EFHC2: variants seen among roughly 807,000 people sequenced by gnomAD.
EFHC2 encodes the protein EF-hand domain-containing family member C2.
In EFHC2, 18 loss-of-function variants were observed where a neutral mutation model predicts 52.7. That is an observed-to-expected ratio of 0.34 (90% CI 0.24 to 0.51). EFHC2 has a LOEUF of 0.51. Ranked by LOEUF, EFHC2 falls within the 20% of genes least tolerant of loss-of-function variation. The pLI is 0.97. For synonymous variants in EFHC2, 203 were observed against 204.1 expected, an observed-to-expected ratio of 0.99 and a Z score of 0.04; for missense variants, 513 against 562.5, an observed-to-expected ratio of 0.91 and a Z score of 0.89.
intron 11 of EFHC2, among the ~76,000 whole-genome samples, chrX:44,189,489 T>C (rs1020384379): frequency 2.7e-5 from 3 of 112,301 alleles, no homozygotes; most frequent in African/African-American, 9.7e-5. Context: ...GGCCCACTCA[T>C]GAGAGATGCA....
intron 11 of EFHC2, among the ~76,000 whole-genome samples, chrX:44,187,358 C>T (rs963259003): frequency 9.2e-5 from 10 of 109,281 alleles, no homozygotes; most frequent in Non-Finnish European, 1.7e-4. Flanking sequence ...AACATATTTT[C>T]ATCTTTTTCA....
intron 2 of EFHC2, among the ~76,000 whole-genome samples, chrX:44,289,700 G>C (rs1191287058): frequency 1.9e-4 from 3 of 16,076 alleles, no homozygotes. Context: ...TTTTTTTTTT[G>C]AGACAGAGAC....
intron 8 of EFHC2, among the ~76,000 whole-genome samples, chrX:44,239,177 A>G (rs7051289): frequency 0.082 from 9,149 of 111,917 alleles, 808 homozygotes; most frequent in African/African-American, 0.26. Context: ...GCAGATGGAC[A>G]ATATCTGTAA....
chrX:44,313,772 G>A (rs986655334), intron 1 of EFHC2, among the ~76,000 whole-genome samples: 1 of 110,451 alleles, frequency 9.1e-6, no homozygotes, highest in African/African-American at 3.3e-5. Flanking sequence ...TGGCCAACAT[G>A]GTGAAACCCC....
chrX:44,196,591 C>T (rs995970450), intron 11 of EFHC2, among the ~76,000 whole-genome samples: 4 of 111,527 alleles, frequency 3.6e-5, no homozygotes, highest in Non-Finnish European at 7.5e-5. Context: ...GCCCCCATTC[C>T]AAAAGACAGT....
At chrX:44,340,480 C>T (rs778132677) in intron 1 of EFHC2, among the ~76,000 whole-genome samples, 2 of 109,440 alleles carry the variant, frequency 1.8e-5, no homozygotes, top group South Asian at 4.0e-4. Context: ...GGTGAAACCC[C>T]GTCTCTACTA....
chrX:44,205,770 CA>C (rs1397324557), intron 11 of EFHC2, among the ~76,000 whole-genome samples: 2 of 111,298 alleles, frequency 1.8e-5, no homozygotes, highest in Admixed American at 1.9e-4. Flanking sequence ...GATGGCCATA[CA>C]ATAATAGTGG....
chrX:44,213,498 T>C (rs904301944), intron 11 of EFHC2, among the ~76,000 whole-genome samples: 6 of 111,813 alleles, frequency 5.4e-5, no homozygotes, highest in African/African-American at 9.8e-5. Context: ...ATGTAAGATA[T>C]ACTTGTTTGG....
intron 7 of EFHC2, among the ~76,000 whole-genome samples, chrX:44,243,791 ATT>A (rs200937078): frequency 0.083 from 9,273 of 111,550 alleles, 826 homozygotes; most frequent in African/African-American, 0.27. Context: ...TTTTATGGTG[ATT>A]TTAAAGAAAA....
Position 44,247,055 on chromosome X carries a change from T to G in EFHC2, c.1111+1217A>C, listed in dbSNP as rs549383532. ...CACCTGCACATTCCTGGCTGCTTCT[T>G]GTCCACAGTCCCCAAGGCAAATATG... On this transcript the variant is annotated intron_variant, in intron 7 of 14. Coordinates refer to ENST00000420999, the MANE Select transcript of EFHC2 (RefSeq NM_025184.4). 6.2e-5 allele frequency among the ~76,000 whole-genome samples: 7 copies of G among 112,185 alleles called. No individual in the cohort carries two copies. The Admixed American group carries it at 6.6e-4, about 11-fold the overall frequency.
At chrX:44,154,766 T>A (rs1298798982) in intron 14 of EFHC2, among the ~76,000 whole-genome samples, 2 of 111,210 alleles carry the variant, frequency 1.8e-5, no homozygotes, top group Non-Finnish European at 3.8e-5. Context: ...GTAACTGGTT[T>A]GCTAATATGC....
Position 44,248,874 on chromosome X carries a change from G to C in EFHC2, c.901C>G (p.Arg301Gly). Residue 301 changes from arginine to glycine, a missense_variant, in exon 6 of 15, where the codon CGA (arginine) becomes GGA (glycine). Physicochemically the swap from Arg to Gly is moderately radical, Grantham distance 125. Coordinates refer to ENST00000420999, the MANE Select transcript of EFHC2 (RefSeq NM_025184.4). ...TCACCATATGAATTGAGAACTGCTC[G>C]ATCTGTTATCTGGCCTGGTTGATAG... is the stretch of plus-strand genomic sequence containing the variant. The part of the protein sequence containing the change: ...RVYQPGQITD[R>G]AVLNSYGDFI... The C allele has an allele frequency of 8.3e-7, 1 of 1,208,192 alleles. No homozygotes were observed. The highest frequency in any genetic ancestry group is 1.1e-6 in the Non-Finnish European group (1 of 893,984).
chrX:44,232,920 G>A (rs2037290296), intron 9 of EFHC2, among the ~76,000 whole-genome samples: 1 of 111,495 alleles, frequency 9.0e-6, no homozygotes, highest in African/African-American at 3.3e-5. Flanking sequence ...TGCAGTCCCA[G>A]CAACGCAAGA....
chrX:44,251,238 C>CAAAAAAA (rs746850685), intron 4 of EFHC2, among the ~76,000 whole-genome samples: 11 of 18,301 alleles, frequency 6.0e-4, no homozygotes, highest in East Asian at 7.7e-3. Flanking sequence ...GACTCCATCT[C>CAAAAAAA]AAAAAAAAAA....
intron 14 of EFHC2, among the ~76,000 whole-genome samples, chrX:44,160,208 G>C (rs1037090940): frequency 4.6e-4 from 52 of 111,838 alleles, no homozygotes; most frequent in African/African-American, 1.6e-3. Flanking sequence ...TAAAGGCAGA[G>C]TGGATCTTTG....
intron 1 of EFHC2, among the ~76,000 whole-genome samples, chrX:44,318,827 A>C (rs1488673235): frequency 2.7e-5 from 3 of 110,643 alleles, no homozygotes; most frequent in Non-Finnish European, 5.7e-5. Flanking sequence ...ATAAAACTTG[A>C]GTGGTAGATT....
chrX:44,312,472 A>T, intron 2 of EFHC2, 96 bp downstream of exon 2: 1 of 652,115 alleles, frequency 1.5e-6, no homozygotes, highest in Non-Finnish European at 2.2e-6. Context: ...AACTAGCCTT[A>T]ACATTTACAC....
chrX:44,221,982 C>T (rs1180633626), intron 11 of EFHC2, among the ~76,000 whole-genome samples: 1 of 111,557 alleles, frequency 9.0e-6, no homozygotes, highest in African/African-American at 3.3e-5. Context: ...TTAATAGTTC[C>T]AACCATTTTA....
chrX:44,227,116 G>C (rs2037239250), intron 11 of EFHC2, among the ~76,000 whole-genome samples: 1 of 110,456 alleles, frequency 9.1e-6, no homozygotes, highest in African/African-American at 3.3e-5. Flanking sequence ...GGCTAAAGCA[G>C]AAAACAAGAA....
Sources: gnomAD v4.1 joint callset for allele counts (sites outside exome capture counted in the v4.1 genomes callset) on GRCh38, gnomAD v4.1.1 for gene constraint, MANE v1.5 for transcripts, NCBI Gene and HGNC (gene_info 2026-07-23, HGNC 2026-07-21) for gene names.